Variants in CDKAL1 observed in about 807,000 individuals in gnomAD.
CDKAL1 encodes CDKAL1 threonylcarbamoyladenosine tRNA methylthiotransferase, also known as threonylcarbamoyladenosine tRNA methylthiotransferase.
A neutral mutation model predicts 68.2 loss-of-function variants in CDKAL1; 32 were observed. That is an observed-to-expected ratio of 0.47 (90% CI 0.35 to 0.63). The LOEUF (loss-of-function observed/expected upper bound fraction) is 0.63, where lower values mean the gene tolerates loss of function less well. CDKAL1 is among the 30% of genes least tolerant of loss of function. The pLI, the probability that CDKAL1 is intolerant of heterozygous loss-of-function variation, is 0.00. For synonymous variants in CDKAL1, 234 were observed against 244.3 expected (o/e 0.96, Z 0.39); for missense variants, 606 against 696.7 (o/e 0.87, Z 1.47).
intron 5 of CDKAL1, among the ~76,000 whole-genome samples, chr6:20,678,896 C>T (rs1770244801): frequency 6.6e-6 from 1 of 151,788 alleles, no homozygotes; most frequent in Non-Finnish European, 1.5e-5. Context: ...GTTTCATTGC[C>T]TATGTTTTTG....
intron 9 of CDKAL1, among the ~76,000 whole-genome samples, chr6:20,849,752 T>C (rs879011407): frequency 6.6e-6 from 1 of 152,232 alleles, no homozygotes; most frequent in East Asian, 1.9e-4. Context: ...TTATGTTTTA[T>C]GAAAAACTGC....
chr6:20,924,231 T>C (rs1294862358), intron 9 of CDKAL1, among the ~76,000 whole-genome samples: 1 of 149,750 alleles, frequency 6.7e-6, no homozygotes, highest in East Asian at 2.0e-4. Flanking sequence ...CCAGGTGTGG[T>C]GGTGTGTACC....
chr6:21,121,025 T>C (rs192402795), intron 13 of CDKAL1, among the ~76,000 whole-genome samples: 84 of 152,276 alleles, frequency 5.5e-4, no homozygotes, highest in African/African-American at 2.0e-3. Context: ...ATGATAGATA[T>C]TGGCCGAGAC....
Position 21,073,139 on chromosome 6 carries a change from T to C in CDKAL1, c.1236+7911T>C, listed in dbSNP as rs542041411. Among the ~76,000 whole-genome samples, 3 of 152,324 alleles carry C rather than the reference T, an allele frequency of 2.0e-5. No homozygotes were observed. In the South Asian group the frequency reaches 6.2e-4, roughly 32 times the overall value. ...AATATACATTTAAGATTCCTTTGAA[T>C]CTTTTCACGGCCTGATAGCTCATTT... is the stretch of plus-strand genomic sequence containing the variant. On this transcript the variant is annotated intron_variant, in intron 12 of 15. Transcript: ENST00000274695.
chr6:20,840,007 T>C (rs576853212), intron 8 of CDKAL1, among the ~76,000 whole-genome samples: 7 of 152,352 alleles, frequency 4.6e-5, no homozygotes, highest in African/African-American at 1.4e-4. Context: ...TCATGTATTC[T>C]TACACAGAAT....
chr6:20,922,164 G>A (rs1762985048), intron 9 of CDKAL1, among the ~76,000 whole-genome samples: 1 of 152,156 alleles, frequency 6.6e-6, no homozygotes. Flanking sequence ...GAACCCCATG[G>A]TACTATTTTT....
At chr6:20,888,196 A>G (rs191772070) in intron 9 of CDKAL1, among the ~76,000 whole-genome samples, 19 of 151,822 alleles carry the variant, frequency 1.3e-4, no homozygotes, top group South Asian at 2.1e-4. Flanking sequence ...TCATTGTTCA[A>G]TTCCCACCTA....
intron 13 of CDKAL1, among the ~76,000 whole-genome samples, chr6:21,140,687 C>T (rs1775855803): frequency 1.3e-5 from 2 of 152,124 alleles, no homozygotes; most frequent in Non-Finnish European, 2.9e-5. Context: ...CACAGTCTGT[C>T]ACAGCAAAGC....
chr6:20,790,286 T>C (rs1213234085), intron 8 of CDKAL1, among the ~76,000 whole-genome samples: 1 of 152,156 alleles, frequency 6.6e-6, no homozygotes, highest in Non-Finnish European at 1.5e-5. Flanking sequence ...CCATGGAAAG[T>C]AATATTTAGG....
At chr6:20,952,706 A>G (rs1764593267) in intron 9 of CDKAL1, among the ~76,000 whole-genome samples, 1 of 152,252 alleles carries the variant, frequency 6.6e-6, no homozygotes, top group Non-Finnish European at 1.5e-5. Flanking sequence ...AGATATAAGC[A>G]TGTGTCCCAA....
intron 3 of CDKAL1, among the ~76,000 whole-genome samples, chr6:20,547,580 T>G (rs1763656785): frequency 6.6e-6 from 1 of 152,168 alleles, no homozygotes; most frequent in Non-Finnish European, 1.5e-5. Context: ...TATTTGTTTA[T>G]CTAGTCAACT....
At chr6:20,992,009 C>G (rs904202150) in intron 10 of CDKAL1, among the ~76,000 whole-genome samples, 12 of 146,334 alleles carry the variant, frequency 8.2e-5, no homozygotes, top group Non-Finnish European at 1.0e-4. Flanking sequence ...TTATACTTTT[C>G]CCCCACCTTT....
intron 4 of CDKAL1, among the ~76,000 whole-genome samples, chr6:20,563,807 A>G (rs1487701941): frequency 6.6e-6 from 1 of 152,212 alleles, no homozygotes. Context: ...CAAATTATAC[A>G]AAAAATACTA....
intron 10 of CDKAL1, among the ~76,000 whole-genome samples, chr6:20,962,956 A>G (rs1313913815): frequency 6.6e-6 from 1 of 152,218 alleles, no homozygotes; most frequent in Non-Finnish European, 1.5e-5. Context: ...ATAAATTTTA[A>G]GAGGTCAGTG....
chr6:20,577,849 T>G (rs1397576936), intron 4 of CDKAL1, among the ~76,000 whole-genome samples: 2 of 152,202 alleles, frequency 1.3e-5, no homozygotes, highest in African/African-American at 2.4e-5. Flanking sequence ...TTTCTTTTTG[T>G]TAACTCTATT....
rs984617575 is a variant in CDKAL1 at position 20,660,309 on chromosome 6, C to G, written c.371+10932C>G. On this transcript the variant is annotated intron_variant, in intron 5 of 15. Coordinates refer to ENST00000274695, the MANE Select transcript of CDKAL1 (RefSeq NM_017774.3). The stretch of plus-strand genomic sequence containing the variant: ...CCTCAGAAAAATTCTTTTTATGAAG[C>G]CTTTGACGCTCTGACTCTACTGTGT... 6.6e-5 allele frequency among the ~76,000 whole-genome samples: 10 copies of G among 152,040 alleles called. No homozygotes were observed. In the East Asian group the frequency reaches 1.2e-3, roughly 18 times the overall value.
At chr6:20,569,800 A>C (rs1764622875) in intron 4 of CDKAL1, among the ~76,000 whole-genome samples, 1 of 152,216 alleles carries the variant, frequency 6.6e-6, no homozygotes, top group African/African-American at 2.4e-5. Flanking sequence ...AGATATATCT[A>C]AGTCACTCCT....
intron 11 of CDKAL1, among the ~76,000 whole-genome samples, chr6:21,055,141 T>C (rs1433425786): frequency 3.3e-5 from 5 of 152,162 alleles, no homozygotes; most frequent in African/African-American, 1.2e-4. Context: ...TCCTTTATTC[T>C]TTTTATATGG....
chr6:21,187,801 A>C (rs1778072408), intron 13 of CDKAL1, among the ~76,000 whole-genome samples: 1 of 152,140 alleles, frequency 6.6e-6, no homozygotes, highest in East Asian at 1.9e-4. Flanking sequence ...GTGAAACAAA[A>C]CTTCTACAAG....
Sources: allele counts gnomAD v4.1 joint callset (sites outside exome capture counted in the v4.1 genomes callset), GRCh38; gene constraint gnomAD v4.1.1; transcripts MANE v1.5; gene names NCBI Gene and HGNC (gene_info 2026-07-23, HGNC 2026-07-21).